Variants in DPH6 observed in about 807,000 individuals in gnomAD.
DPH6 encodes the protein diphthine--ammonia ligase.
In DPH6, 33 loss-of-function variants were observed where a neutral mutation model predicts 38.2. That is an observed-to-expected ratio of 0.86 (90% CI 0.65 to 1.15). DPH6 has a LOEUF of 1.15. DPH6 is among the 50% of genes most tolerant of loss of function. DPH6 has a pLI of 0.00. For missense variants in DPH6, 325 were observed against 320.0 expected (o/e 1.02, Z -0.12); for synonymous variants, 108 against 103.0 (o/e 1.05, Z -0.30).
chr15:35,277,551 G>A (rs2051867367), intron 3 of DPH6, among the ~76,000 whole-genome samples: 1 of 152,090 alleles, frequency 6.6e-6, no homozygotes, highest in Non-Finnish European at 1.5e-5. Flanking sequence ...TTTGGAACTG[G>A]GTAACAGGCA....
At chr15:35,256,979 A>C (rs1195910825) in intron 3 of DPH6, among the ~76,000 whole-genome samples, 1 of 152,202 alleles carries the variant, frequency 6.6e-6, no homozygotes, top group Non-Finnish European at 1.5e-5. Flanking sequence ...TAAACATTAG[A>C]TGCATTGATG....
At chr15:35,500,598 T>C (rs529469899) in intron 3 of DPH6, among the ~76,000 whole-genome samples, 1 of 152,318 alleles carries the variant, frequency 6.6e-6, no homozygotes, top group African/African-American at 2.4e-5. Context: ...AACTACTTTT[T>C]TGTTCACTGG....
In DPH6 at chr15:35,410,860, T is replaced by C. The variant is rs761263253; in HGVS notation, c.542A>G (p.Asp181Gly). Residue 181 changes from aspartate (D) to glycine (G), a missense_variant, in exon 6 of 9, where the codon GAT becomes GGT. By Grantham distance (94) the Asp-to-Gly change is moderately conservative. Coordinates refer to ENST00000256538, the MANE Select transcript of DPH6 (RefSeq NM_080650.4). ...CTCTATGAGATAAGGCTCCATTTGA[T>C]CCAGGGTTTTCCCAAGATGCTTATC... ...DPDKHLGKTL[D>G]QMEPYLIELS... The C allele has an allele frequency of 1.9e-6, 3 of 1,605,064 alleles. No homozygotes were observed. The South Asian group carries it at 3.3e-5, about 18-fold the overall frequency.
intron 3 of DPH6, chr15:35,298,339 A>C (rs759535854): frequency 1.6e-5 from 10 of 636,232 alleles, no homozygotes; most frequent in Admixed American, 3.7e-5. Flanking sequence ...CTCCCATTCG[A>C]GTCAATAACC....
the DPH6 span, among the ~76,000 whole-genome samples, chr15:35,171,727 T>C: frequency 3.9e-5 from 6 of 152,026 alleles, no homozygotes; most frequent in East Asian, 1.2e-3. Context: ...TTCTGGATTT[T>C]GAAATACTTG....
chr15:35,489,874 T>A, intron 3 of DPH6: 1 of 965,594 alleles, frequency 1.0e-6, no homozygotes, highest in Non-Finnish European at 1.2e-6. Flanking sequence ...ATACATTTTT[T>A]AATGTTTTAT....
At chr15:35,496,669 G>GA (rs1225521977) in intron 3 of DPH6, among the ~76,000 whole-genome samples, 1 of 146,356 alleles carries the variant, frequency 6.8e-6, no homozygotes, top group Non-Finnish European at 1.5e-5. Flanking sequence ...GGATGACTCA[G>GA]AAAAAATATG....
At chr15:35,288,964 A>C (rs182407281) in intron 3 of DPH6, among the ~76,000 whole-genome samples, 1 of 152,336 alleles carries the variant, frequency 6.6e-6, no homozygotes, top group African/African-American at 2.4e-5. Flanking sequence ...CACCAAAAAA[A>C]GATAGTTCTA....
chr15:35,459,220 T>C (rs1436828578), intron 3 of DPH6, among the ~76,000 whole-genome samples: 1 of 152,174 alleles, frequency 6.6e-6, no homozygotes. Flanking sequence ...CAGCATGAAT[T>C]CTCTGGGACT....
chr15:35,151,425 G>C, the DPH6 span, among the ~76,000 whole-genome samples: 1 of 152,138 alleles, frequency 6.6e-6, no homozygotes, highest in Non-Finnish European at 1.5e-5. Context: ...CAGGCATCTG[G>C]ATTTGAGAAT....
At chr15:35,392,472 G>A (rs2053073302) in intron 6 of DPH6, among the ~76,000 whole-genome samples, 1 of 150,398 alleles carries the variant, frequency 6.6e-6, no homozygotes, top group Non-Finnish European at 1.5e-5. Context: ...GAAACAATGA[G>A]GTTTACAAAA....
At chr15:35,516,204 A>C (rs915364215) in intron 3 of DPH6, among the ~76,000 whole-genome samples, 2 of 152,216 alleles carry the variant, frequency 1.3e-5, no homozygotes, top group African/African-American at 4.8e-5. Flanking sequence ...ATACCCCTAA[A>C]GAGACAGAAG....
intron 3 of DPH6, among the ~76,000 whole-genome samples, chr15:35,316,880 T>A (rs1487501164): frequency 6.6e-6 from 1 of 152,172 alleles, no homozygotes; most frequent in East Asian, 1.9e-4. Context: ...GACTTCTTAA[T>A]GGAAATAATA....
chr15:35,395,302 C>T (rs1257483733), intron 6 of DPH6, among the ~76,000 whole-genome samples: 1 of 152,210 alleles, frequency 6.6e-6, no homozygotes, highest in Non-Finnish European at 1.5e-5. Flanking sequence ...TTTCCCATAA[C>T]AGCATCTTAC....
exon 4 of DPH6, chr15:35,330,905 A>G (rs1048626967): frequency 6.6e-6 from 1 of 152,174 alleles, no homozygotes; most frequent in Non-Finnish European, 1.5e-5. Flanking sequence ...CTGTTTTAAA[A>G]AGCAATTTTC....
chr15:35,412,299 A>G (rs2053376835), intron 5 of DPH6, among the ~76,000 whole-genome samples: 1 of 151,692 alleles, frequency 6.6e-6, no homozygotes, highest in Non-Finnish European at 1.5e-5. Flanking sequence ...AGAAACCACT[A>G]CACACCTATT....
At chr15:35,297,673 C>T (rs145544412) in intron 3 of DPH6, among the ~76,000 whole-genome samples, 137 of 152,100 alleles carry the variant, frequency 9.0e-4, no homozygotes, top group South Asian at 1.9e-3. Flanking sequence ...TATCTATATG[C>T]TGTGATTTTT....
chr15:35,542,980 G>T (rs1216403679), intron 1 of DPH6, among the ~76,000 whole-genome samples: 14 of 17,594 alleles, frequency 8.0e-4, no homozygotes, highest in Non-Finnish European at 1.3e-3. Context: ...TAATTTCATA[G>T]AAATTATTGG....
At chr15:35,186,029 C>T in the DPH6 span, among the ~76,000 whole-genome samples, 6 of 152,032 alleles carry the variant, frequency 3.9e-5, no homozygotes, top group Non-Finnish European at 7.4e-5. Flanking sequence ...CCACTGCGCC[C>T]GGCCCCCAGT....
Sources: allele counts gnomAD v4.1 joint callset (sites outside exome capture counted in the v4.1 genomes callset), GRCh38; gene constraint gnomAD v4.1.1; transcripts MANE v1.5; gene names NCBI Gene and HGNC (gene_info 2026-07-23, HGNC 2026-07-21).